Variants in PEX14 observed in about 807,000 individuals in gnomAD.
PEX14 encodes the protein peroxisomal membrane protein PEX14.
PEX14 carries 15 observed loss-of-function variants against 49.5 expected under a neutral mutation model. The observed-to-expected ratio is 0.30, with a 90% confidence interval of 0.20 to 0.47. The LOEUF (loss-of-function observed/expected upper bound fraction) is 0.47. Among genes scored for constraint, PEX14 ranks in the 20% least tolerant of loss-of-function variants. The pLI, the probability that PEX14 is intolerant of heterozygous loss-of-function variation, is 1.00. For synonymous variants in PEX14, 210 were observed against 212.7 expected (o/e 0.99, Z 0.11); for missense variants, 398 against 494.8 (o/e 0.80, Z 1.86).
intron 3 of PEX14, among the ~76,000 whole-genome samples, chr1:10,559,593 G>A (rs982747011): frequency 2.0e-5 from 3 of 152,176 alleles, no homozygotes; most frequent in Admixed American, 2.0e-4. Context: ...GGCTGCTGCA[G>A]CTCTCAACAC....
At chr1:10,485,721 C>G (rs1641355929) in intron 1 of PEX14, among the ~76,000 whole-genome samples, 1 of 147,892 alleles carries the variant, frequency 6.8e-6, no homozygotes, top group Non-Finnish European at 1.5e-5. Flanking sequence ...ATATATTGGT[C>G]TTGTATCTGC....
At chr1:10,492,513 AAGTTATTTAACCTCTTT>A (rs775027035) in intron 1 of PEX14, among the ~76,000 whole-genome samples, 78 of 152,226 alleles carry the variant, frequency 5.1e-4, no homozygotes, top group Non-Finnish European at 8.7e-4. Flanking sequence ...AATCATGGGC[AAGTTATTTAACCTCTTT>A]TGCCTCAGTT....
At chr1:10,493,056 G>A (rs1312926314) in intron 1 of PEX14, among the ~76,000 whole-genome samples, 2 of 152,188 alleles carry the variant, frequency 1.3e-5, no homozygotes, top group Non-Finnish European at 2.9e-5. Flanking sequence ...GTGCAAAGGC[G>A]CAGTGACAGA....
At chr1:10,582,248 A>G (rs2124571589) in intron 3 of PEX14, among the ~76,000 whole-genome samples, 1 of 152,214 alleles carries the variant, frequency 6.6e-6, no homozygotes, top group Non-Finnish European at 1.5e-5. Context: ...GCTATTGAAA[A>G]TCTGCAATTC....
intron 4 of PEX14, among the ~76,000 whole-genome samples, chr1:10,601,000 G>T (rs948021762): frequency 1.3e-5 from 2 of 151,642 alleles, no homozygotes; most frequent in African/African-American, 4.8e-5. Flanking sequence ...GGTGGCTCAC[G>T]CCTGTAATCC....
chr1:10,521,138 G>A (rs2124454652), intron 2 of PEX14, among the ~76,000 whole-genome samples: 1 of 150,996 alleles, frequency 6.6e-6, no homozygotes, highest in South Asian at 2.1e-4. Context: ...GATAAGATTT[G>A]TCTTTTCTTC....
Position 10,630,331 on chromosome 1 carries a change from T to C in PEX14, c.*344T>C. 1 of 402,856 alleles carries C rather than the reference T, an allele frequency of 2.5e-6. No homozygotes were observed. The highest frequency in any genetic ancestry group is 3.5e-5 in the South Asian group (1 of 28,930). 25.0% of individuals were successfully genotyped at this position (402,856 alleles called of 1,614,324 possible). ...CCTTGCCCAGGGTGTGTTTGCTGAG[T>C]GTCTTGACTACCGTGACACCACGCA... On this transcript the variant is annotated 3_prime_UTR_variant, in exon 9 of 9. Transcript: ENST00000356607. This position sits in a 1 kb window ranked among gnomAD's most constrained non-coding sequence, Gnocchi z 4.1.
At chr1:10,571,377 G>A (rs1417703097) in intron 3 of PEX14, among the ~76,000 whole-genome samples, 2 of 151,794 alleles carry the variant, frequency 1.3e-5, no homozygotes, top group African/African-American at 4.8e-5. Flanking sequence ...ACCAGGGGGT[G>A]GGGGTGGGAT....
At chr1:10,547,872 G>T (rs1371652770) in intron 3 of PEX14, among the ~76,000 whole-genome samples, 1 of 152,134 alleles carries the variant, frequency 6.6e-6, no homozygotes, top group Non-Finnish European at 1.5e-5. Context: ...TTGTCCAAGA[G>T]ATAAATATTG....
intron 3 of PEX14, among the ~76,000 whole-genome samples, chr1:10,579,117 GAA>G (rs1346547122): frequency 2.6e-5 from 4 of 152,000 alleles, no homozygotes; most frequent in African/African-American, 9.7e-5. Context: ...AAATAACAAA[GAA>G]AATTGCATCG....
chr1:10,503,047 C>T (rs796700763), intron 2 of PEX14, among the ~76,000 whole-genome samples: 5 of 151,580 alleles, frequency 3.3e-5, no homozygotes, highest in East Asian at 1.9e-4. Context: ...GCGATCCCCC[C>T]GCCTCAGTCT....
chr1:10,566,596 C>T (rs1370726526), intron 3 of PEX14, among the ~76,000 whole-genome samples: 1 of 151,942 alleles, frequency 6.6e-6, no homozygotes, highest in Non-Finnish European at 1.5e-5. Flanking sequence ...TCAAGGGATT[C>T]TCCTACCTCA....
rs140859543 is a variant in PEX14, at chr1:10,498,437, A to G, written c.84+3116A>G. 1.2e-3 allele frequency among the ~76,000 whole-genome samples: 183 copies of G among 152,320 alleles called. No individual in the cohort carries two copies. The Middle Eastern group carries it at 0.017, about 14-fold the overall frequency. ...ATTGTTTTGTTTTATTTGCTAGGCA[A>G]AGAAGACTTGATTTTCAGTTCTGTC... On this transcript the variant is annotated intron_variant, in intron 2 of 8. Transcript: ENST00000356607.
chr1:10,530,501 A>T (rs1447357101), intron 2 of PEX14, among the ~76,000 whole-genome samples: 1 of 152,104 alleles, frequency 6.6e-6, no homozygotes, highest in African/African-American at 2.4e-5. Context: ...CGTCCACCTC[A>T]AGGTTATTCC....
chr1:10,580,625 A>T (rs529603433), intron 3 of PEX14, among the ~76,000 whole-genome samples: 2 of 152,292 alleles, frequency 1.3e-5, no homozygotes, highest in Admixed American at 1.3e-4. Context: ...ATCATATTAA[A>T]GTTCTTAATA....
In PEX14 at chr1:10,558,044, G is replaced by T. The variant is rs115210535; in HGVS notation, c.169+21747G>T. The stretch of plus-strand genomic sequence containing the variant: ...TTAAATATACTGATGTGTGATCAGG[G>T]ACATTCTATTCTCATTCATTGCTGT... On this transcript the variant is annotated intron_variant, in intron 3 of 8. Coordinates refer to ENST00000356607, the MANE Select transcript of PEX14 (RefSeq NM_004565.3). Among the ~76,000 whole-genome samples the T allele has an allele frequency of 4.1e-3, 629 of 152,212 alleles. 5 individuals carry two copies. Among genetic ancestry groups the T allele is most frequent in the African/African-American group, 0.015 (612 of 41,508 alleles).
At position 10,630,484 on chromosome 1, in the gene PEX14, C is replaced by T. The variant is rs1037453713; in HGVS notation, c.*497C>T. 8.1e-5 allele frequency: 13 copies of T among 160,828 alleles called. No homozygotes were observed. Among genetic ancestry groups the T allele is most frequent in the Non-Finnish European group, 1.6e-4 (12 of 73,652 alleles). 10.0% of individuals were successfully genotyped at this position (160,828 alleles called of 1,614,324 possible). On this transcript the variant is annotated 3_prime_UTR_variant, in exon 9 of 9. Transcript: ENST00000356607. This position sits in a 1 kb window ranked among gnomAD's most constrained non-coding sequence, Gnocchi z 4.1. ...GGACCCGTCAGGTGCCTGTCCCCAG[C>T]CCCAACCCCACTCATGCCCCGTCGT...
intron 3 of PEX14, among the ~76,000 whole-genome samples, chr1:10,572,575 C>T (rs1306368115): frequency 6.6e-6 from 1 of 152,168 alleles, no homozygotes; most frequent in Admixed American, 6.5e-5. Context: ...CTTGCTGTCA[C>T]CCAGGCTGGA....
intron 3 of PEX14, among the ~76,000 whole-genome samples, chr1:10,589,111 A>G (rs1640584936): frequency 1.3e-5 from 2 of 152,234 alleles, no homozygotes; most frequent in Admixed American, 6.5e-5. Flanking sequence ...AATAATTGTT[A>G]AAAGTCCCTT....
Sources: gnomAD v4.1 joint callset for allele counts (sites outside exome capture counted in the v4.1 genomes callset) on GRCh38, gnomAD v4.1.1 for gene constraint, Gnocchi (gnomAD v3.1) non-coding constraint, MANE v1.5 for transcripts, NCBI Gene and HGNC (gene_info 2026-07-23, HGNC 2026-07-21) for gene names.